Variants in TMEM132D observed in about 807,000 individuals in gnomAD.
TMEM132D encodes the protein transmembrane protein 132D, also known as mature OL transmembrane protein.
Under a neutral mutation model 62.3 loss-of-function variants are expected in TMEM132D, and 21 were observed. The observed-to-expected ratio is 0.34, with a 90% CI of 0.24 to 0.49. TMEM132D has a LOEUF of 0.49. TMEM132D is among the 20% of genes least tolerant of loss of function. TMEM132D has a pLI of 0.99. For synonymous variants in TMEM132D, 621 were observed against 575.6 expected, an observed-to-expected ratio of 1.08 and a Z score of -1.13; for missense variants, 1,346 against 1,402.8, an observed-to-expected ratio of 0.96 and a Z score of 0.65.
intron 2 of TMEM132D, among the ~76,000 whole-genome samples, chr12:129,617,565 CTTCT>C (rs908062659): frequency 2.8e-5 from 4 of 142,788 alleles, no homozygotes; most frequent in African/African-American, 8.1e-5. Context: ...GGTCTTGAGG[CTTCT>C]TTTTCATTGA....
chr12:129,523,579 G>T (rs1875922161), intron 3 of TMEM132D, among the ~76,000 whole-genome samples: 4 of 152,136 alleles, frequency 2.6e-5, no homozygotes, highest in Admixed American at 2.0e-4. Flanking sequence ...ACTCAGTGCC[G>T]TTACCCACGA....
intron 1 of TMEM132D, among the ~76,000 whole-genome samples, chr12:129,873,438 C>T (rs1216119213): frequency 1.3e-5 from 2 of 152,128 alleles, no homozygotes; most frequent in African/African-American, 4.8e-5. Context: ...ACTGCCGTCG[C>T]CTACATTACT....
At chr12:129,733,615 A>G (rs1869322732) in intron 1 of TMEM132D, among the ~76,000 whole-genome samples, 1 of 151,220 alleles carries the variant, frequency 6.6e-6, no homozygotes, top group Non-Finnish European at 1.5e-5. Context: ...TTTATGTAGC[A>G]TTAGATAACT....
chr12:129,309,723 T>C (rs895279307), intron 4 of TMEM132D, among the ~76,000 whole-genome samples: 4 of 152,078 alleles, frequency 2.6e-5, no homozygotes, highest in African/African-American at 4.8e-5. Context: ...AATTTAGATG[T>C]GTTCAATAAA....
chr12:129,332,068 G>T (rs1869121954), intron 4 of TMEM132D, among the ~76,000 whole-genome samples: 2 of 152,064 alleles, frequency 1.3e-5, no homozygotes, highest in Non-Finnish European at 2.9e-5. Context: ...AAATTAGCTG[G>T]GCTAATATCT....
intron 3 of TMEM132D, among the ~76,000 whole-genome samples, chr12:129,437,636 A>T: frequency 6.6e-6 from 1 of 152,120 alleles, no homozygotes; most frequent in Non-Finnish European, 1.5e-5. Context: ...ACTTTGGAAA[A>T]GTGTTTGGCA....
At chr12:129,573,548 C>A (rs155689) in intron 2 of TMEM132D, among the ~76,000 whole-genome samples, 8 of 152,040 alleles carry the variant, frequency 5.3e-5, no homozygotes, top group African/African-American at 1.9e-4. Context: ...CTCTCTGAAA[C>A]AAATTCTAGA....
chr12:129,665,621 A>T (rs938040999), intron 2 of TMEM132D, among the ~76,000 whole-genome samples: 1 of 152,162 alleles, frequency 6.6e-6, no homozygotes, highest in African/African-American at 2.4e-5. Flanking sequence ...GTCATCTGCA[A>T]TTGATTTCAT....
At chr12:129,453,900 C>T (rs1318448608) in intron 3 of TMEM132D, among the ~76,000 whole-genome samples, 1 of 152,206 alleles carries the variant, frequency 6.6e-6, no homozygotes, top group Non-Finnish European at 1.5e-5. Flanking sequence ...CTTGCTCTCA[C>T]ATCTGCCCTA....
chr12:129,637,239 C>T (rs1427625922), intron 2 of TMEM132D, among the ~76,000 whole-genome samples: 1 of 152,122 alleles, frequency 6.6e-6, no homozygotes, highest in Non-Finnish European at 1.5e-5. Flanking sequence ...GTATTCAAAT[C>T]TATACTTTGT....
intron 8 of TMEM132D, among the ~76,000 whole-genome samples, chr12:129,076,414 T>TC (rs1874258716): frequency 6.6e-6 from 1 of 151,714 alleles, no homozygotes. Flanking sequence ...GATTTTTTTT[T>TC]CTCTTATGAC....
chr12:129,351,756 T>C (rs1041771401), intron 3 of TMEM132D, among the ~76,000 whole-genome samples: 2 of 152,208 alleles, frequency 1.3e-5, no homozygotes, highest in African/African-American at 4.8e-5. Context: ...GTTGTGCTCT[T>C]TGTGTAAGAA....
intron 3 of TMEM132D, among the ~76,000 whole-genome samples, chr12:129,513,844 A>ATTTG (rs1404193518): frequency 6.8e-5 from 8 of 117,138 alleles, no homozygotes; most frequent in African/African-American, 2.7e-4. Context: ...TTATTTATTT[A>ATTTG]TTTATTTTTT....
chr12:129,700,095 T>C lies in TMEM132D; in HGVS notation c.683A>G (p.Tyr228Cys). ...TCTCTCACCCCCTGGGTGCACGGTG[T>C]AGTAGAGCTCCACGGGGGTCCCCTC... Reference protein sequence around the residue: ...QPEGTPVELYYTVHPGGERGD... With the variant: ...QPEGTPVELYCTVHPGGERGD... Residue 228 changes from tyrosine (Y) to cysteine (C), a missense_variant, in exon 2 of 9, where the codon TAC becomes TGC. Transcript: ENST00000422113. The C allele has an allele frequency of 6.2e-7, 1 of 1,613,500 alleles. No individual in the cohort carries two copies. Among genetic ancestry groups the C allele is most frequent in the Non-Finnish European group, 8.5e-7 (1 of 1,179,990 alleles).
chr12:129,580,150 A>T (rs1877802188), intron 2 of TMEM132D, among the ~76,000 whole-genome samples: 2 of 152,190 alleles, frequency 1.3e-5, no homozygotes, highest in African/African-American at 2.4e-5. Context: ...CCAGCTCCCC[A>T]GTTAGTCAAG....
At chr12:129,519,394 T>C (rs1248761009) in intron 3 of TMEM132D, among the ~76,000 whole-genome samples, 1 of 152,206 alleles carries the variant, frequency 6.6e-6, no homozygotes, top group Non-Finnish European at 1.5e-5. Context: ...TTACACATGC[T>C]GCTAGGCTTT....
At chr12:129,828,708 AAGGAAGGGAGG>A (rs1872731270) in intron 1 of TMEM132D, among the ~76,000 whole-genome samples, 1 of 7,228 alleles carries the variant, frequency 1.4e-4, no homozygotes, top group Non-Finnish European at 2.5e-4. Flanking sequence ...AGGGAGGGAG[AAGGAAGGGAGG>A]AAAGGAGGGA....
At position 129,746,106 on chromosome 12, in the gene TMEM132D, A is replaced by T. The variant is rs545827236; in HGVS notation, c.80-45408T>A. Among the ~76,000 whole-genome samples, 58 of 152,330 alleles carry T rather than the reference A, an allele frequency of 3.8e-4. 2 individuals are homozygous for T. The South Asian group carries it at 0.012, about 30-fold the overall frequency. On this transcript the variant is annotated intron_variant, in intron 1 of 8. Transcript: ENST00000422113. ...TCAAAAGCCAATGAATCCACTTTGC[A>T]GGTAGAGAAGCAACACTTACAAAAG...
intron 1 of TMEM132D, among the ~76,000 whole-genome samples, chr12:129,870,125 G>A (rs1396614974): frequency 6.6e-6 from 1 of 152,122 alleles, no homozygotes; most frequent in African/African-American, 2.4e-5. Flanking sequence ...TGGGATTACA[G>A]GTGCATGCCA....
Sources: gnomAD v4.1 joint callset for allele counts (sites outside exome capture counted in the v4.1 genomes callset) on GRCh38, gnomAD v4.1.1 for gene constraint, MANE v1.5 for transcripts, NCBI Gene and HGNC (gene_info 2026-07-23, HGNC 2026-07-21) for gene names.